The following VPS45 variants were observed in gnomAD, a reference collection of about 807,000 sequenced individuals.
The protein encoded by VPS45 is vacuolar protein sorting-associated protein 45.
In VPS45, 35 loss-of-function variants were observed where a neutral mutation model predicts 75.9. That is an observed-to-expected ratio of 0.46 (90% CI 0.35 to 0.61). The LOEUF (loss-of-function observed/expected upper bound fraction) is 0.61. Among genes scored for constraint, VPS45 ranks in the 20% least tolerant of loss-of-function variants. The pLI is 0.00. For missense variants in VPS45, 559 were observed against 685.9 expected (o/e 0.81, Z 2.07); for synonymous variants, 220 against 238.2 (o/e 0.92, Z 0.70).
intron 14 of VPS45, among the ~76,000 whole-genome samples, chr1:150,141,233 T>C (rs1553815205): frequency 6.6e-6 from 1 of 152,198 alleles, no homozygotes; most frequent in African/African-American, 2.4e-5. Flanking sequence ...CTGAAAGTCT[T>C]TTTCTATTTT....
chr1:150,127,067 T>A (rs1658557564), intron 14 of VPS45, among the ~76,000 whole-genome samples: 1 of 152,202 alleles, frequency 6.6e-6, no homozygotes. Flanking sequence ...GCAACGGGTA[T>A]GATGATAATT....
chr1:150,126,440 C>T (rs997193888), intron 14 of VPS45, among the ~76,000 whole-genome samples: 2 of 152,050 alleles, frequency 1.3e-5, no homozygotes, highest in South Asian at 2.1e-4. Context: ...GTCTCAATCT[C>T]CTGACCTCGT....
At chr1:150,114,927 A>G (rs1243145004) in intron 14 of VPS45, among the ~76,000 whole-genome samples, 1 of 150,428 alleles carries the variant, frequency 6.6e-6, no homozygotes, top group East Asian at 2.0e-4. Context: ...AAACTTTAGT[A>G]TTTTTTTCAG....
chr1:150,102,255 C>A (rs7523301), intron 13 of VPS45, among the ~76,000 whole-genome samples: 32,717 of 100,432 alleles, frequency 0.33, 6,033 homozygotes, highest in African/African-American at 0.56. Context: ...AAAAAAAAAA[C>A]AAACACATGC....
At chr1:150,097,401 A>G (rs782611807) in intron 13 of VPS45, among the ~76,000 whole-genome samples, 79 of 150,456 alleles carry the variant, frequency 5.3e-4, no homozygotes, top group Non-Finnish European at 8.4e-4. Flanking sequence ...CACTGTGCCC[A>G]GCCATAACAT....
At chr1:150,082,955 A>G in intron 10 of VPS45, 72 bp downstream of exon 10, 1 of 1,427,216 alleles carries the variant, frequency 7.0e-7, no homozygotes, top group Non-Finnish European at 9.4e-7. Flanking sequence ...TAAAAAGGCA[A>G]GTAATCCTTC....
chr1:150,106,813 A>G (rs1301496251), intron 13 of VPS45, among the ~76,000 whole-genome samples: 1 of 152,188 alleles, frequency 6.6e-6, no homozygotes, highest in Non-Finnish European at 1.5e-5. Context: ...TGGATAAAGA[A>G]GCCCACAGTC....
intron 14 of VPS45, among the ~76,000 whole-genome samples, chr1:150,137,915 CAAAAAAAAAAAA>C (rs61104098): frequency 1.1e-5 from 1 of 92,452 alleles, no homozygotes; most frequent in African/African-American, 4.7e-5. Flanking sequence ...ACTCCGTCTC[CAAAAAAAAAAAA>C]AAAAAAAACA....
intron 3 of VPS45, among the ~76,000 whole-genome samples, chr1:150,075,113 A>G (rs1655300178): frequency 7.2e-6 from 1 of 139,184 alleles, no homozygotes; most frequent in African/African-American, 2.7e-5. Flanking sequence ...TCAAATAACC[A>G]TTCAGCGTTC....
intron 3 of VPS45, 135 bp downstream of exon 3, chr1:150,072,361 G>C (rs1553797242): frequency 1.5e-6 from 1 of 645,644 alleles, no homozygotes; most frequent in Admixed American, 3.4e-5. Context: ...TCCTTCCAAA[G>C]TATTAAAAAT....
chr1:150,115,023 AAAGT>A (rs145540772), intron 14 of VPS45, among the ~76,000 whole-genome samples: 3,270 of 152,236 alleles, frequency 0.021, 94 homozygotes, highest in African/African-American at 0.074. Flanking sequence ...CACTTACTTA[AAAGT>A]AAGACAACAA....
rs1329207920 is a variant in VPS45, at chr1:150,081,419, C to T, written c.765C>T (p.Ile255=). ...TTGATCTTTCCAGAGTGCCGGGAAT[C>T]AGTAAAGACTTAAGAGAAGTGGTCC... The part of the protein sequence containing the change: ...NRIDLSRVPG[I]SKDLREVVLS... Residue 255 remains isoleucine, a synonymous_variant, in exon 8 of 15, where the codon ATC becomes ATT. Transcript: ENST00000644510. 6.2e-7 allele frequency: 1 copy of T among 1,605,098 alleles called. No homozygotes were observed. The highest frequency in any genetic ancestry group is 8.5e-7 in the Non-Finnish European group (1 of 1,177,742).
chr1:150,093,004 C>T (rs1656424624), intron 12 of VPS45, among the ~76,000 whole-genome samples: 1 of 20,092 alleles, frequency 5.0e-5, no homozygotes, highest in Non-Finnish European at 9.3e-5. Context: ...CACCTACACC[C>T]GGCTAATTTT....
chr1:150,081,266 TTTTA>T (rs1553799267), intron 7 of VPS45, 72 bp from the exon 8 acceptor site: 7 of 1,401,008 alleles, frequency 5.0e-6, no homozygotes, highest in East Asian at 2.5e-5. Flanking sequence ...TGTTATCAGT[TTTTA>T]TTTGTTTTCC....
chr1:150,142,769 A>G (rs888583752), intron 14 of VPS45: 17 of 404,098 alleles, frequency 4.2e-5, no homozygotes, highest in Admixed American at 1.3e-4. Flanking sequence ...GGCTCAAGCA[A>G]TTCTTCTGCC....
At chr1:150,110,401 A>AC in intron 13 of VPS45, 95 bp from the exon 14 acceptor site, 1 of 1,308,966 alleles carries the variant, frequency 7.6e-7, no homozygotes, top group South Asian at 1.8e-5. Flanking sequence ...TCCTCCACCA[A>AC]AAAAAAAGAT....
intron 14 of VPS45, among the ~76,000 whole-genome samples, chr1:150,131,680 A>AAAAG (rs1658846640): frequency 6.6e-6 from 1 of 151,318 alleles, no homozygotes; most frequent in Non-Finnish European, 1.5e-5. Flanking sequence ...TGTCTCTAAA[A>AAAAG]AAAAAAAAAA....
intron 14 of VPS45, among the ~76,000 whole-genome samples, chr1:150,138,249 C>T (rs1659214602): frequency 6.6e-6 from 1 of 152,126 alleles, no homozygotes; most frequent in Non-Finnish European, 1.5e-5. Flanking sequence ...CAGCATCTGA[C>T]GCAGTTCCCT....
chr1:150,080,398 C>T (rs1381156137), intron 7 of VPS45, among the ~76,000 whole-genome samples: 1 of 152,204 alleles, frequency 6.6e-6, no homozygotes, highest in Non-Finnish European at 1.5e-5. Context: ...CCCACCTCAG[C>T]CTCCCAAAGT....
Sources: allele counts gnomAD v4.1 joint callset (sites outside exome capture counted in the v4.1 genomes callset), GRCh38; gene constraint gnomAD v4.1.1; transcripts MANE v1.5; gene names NCBI Gene and HGNC (gene_info 2026-07-23, HGNC 2026-07-21).